Variants in DNAAF9 observed in about 807,000 individuals in gnomAD.
DNAAF9 encodes the protein dynein axonemal assembly factor 9, also known as shulin.
In DNAAF9, 90 loss-of-function variants were observed where a neutral mutation model predicts 167.0. That is an observed-to-expected ratio of 0.54 (90% CI 0.45 to 0.64). The LOEUF is 0.64. Among genes scored for constraint, DNAAF9 ranks in the 30% least tolerant of loss-of-function variants. The pLI is 0.00. For synonymous variants in DNAAF9, 491 were observed against 508.8 expected (o/e 0.96, Z 0.47); for missense variants, 1,315 against 1,442.2 (o/e 0.91, Z 1.43).
chr20:3,266,962 C>T (rs1280306191), intron 30 of DNAAF9, among the ~76,000 whole-genome samples: 1 of 151,740 alleles, frequency 6.6e-6, no homozygotes, highest in African/African-American at 2.4e-5. Context: ...AAGCCATTCT[C>T]CTGCCTCAGC....
rs555839741 is a variant in DNAAF9 at position 3,326,822 on chromosome 20, C to T, written c.1101-538G>A. ...TTTGTTAAATCACCTTAAGGAAAGT[C>T]GGCTCCTCTGAATTCTGCTCAAGAG... On this transcript the variant is annotated intron_variant, in intron 12 of 36. Coordinates refer to ENST00000252032, the MANE Select transcript of DNAAF9 (RefSeq NM_001009984.3). 8.6e-5 allele frequency among the ~76,000 whole-genome samples: 13 copies of T among 151,848 alleles called. No individual in the cohort carries two copies. In the East Asian group the frequency reaches 9.7e-4, roughly 11 times the overall value.
chr20:3,382,551 C>T (rs758532214), intron 1 of DNAAF9, 45 bp from the exon 2 acceptor site: 8 of 1,470,178 alleles, frequency 5.4e-6, no homozygotes, highest in South Asian at 4.5e-5. Context: ...CAGGACAGCC[C>T]CATGAGAAGA....
chr20:3,356,028 T>A (rs944669330), intron 7 of DNAAF9, among the ~76,000 whole-genome samples: 1 of 152,196 alleles, frequency 6.6e-6, no homozygotes, highest in Non-Finnish European at 1.5e-5. Flanking sequence ...GGATCTGAAC[T>A]TTTATTTATT....
At chr20:3,283,786 A>G (rs996693932) in intron 27 of DNAAF9, among the ~76,000 whole-genome samples, 2 of 145,302 alleles carry the variant, frequency 1.4e-5, no homozygotes, top group African/African-American at 5.2e-5. Flanking sequence ...ACTTCAGTGT[A>G]AGCAGTAGAG....
chr20:3,266,622 T>C (rs1246737712), intron 30 of DNAAF9, among the ~76,000 whole-genome samples: 1 of 140,706 alleles, frequency 7.1e-6, no homozygotes, highest in African/African-American at 2.6e-5. Context: ...GGACTACAGG[T>C]GCCCGCCACC....
intron 6 of DNAAF9, among the ~76,000 whole-genome samples, chr20:3,372,843 A>T (rs1214611409): frequency 6.6e-6 from 1 of 152,208 alleles, no homozygotes; most frequent in Non-Finnish European, 1.5e-5. Flanking sequence ...CAATTCACAT[A>T]AAGTGCTTAG....
chr20:3,329,930 C>T (rs2069790467), intron 12 of DNAAF9, among the ~76,000 whole-genome samples: 1 of 152,216 alleles, frequency 6.6e-6, no homozygotes, highest in African/African-American at 2.4e-5. Context: ...TGTTCACACC[C>T]TCTCACTATG....
At chr20:3,267,876 C>T (rs2068516599) in intron 30 of DNAAF9, among the ~76,000 whole-genome samples, 1 of 152,008 alleles carries the variant, frequency 6.6e-6, no homozygotes, top group African/African-American at 2.4e-5. Context: ...TCTTCATCTT[C>T]CCCATTTCAT....
chr20:3,390,155 T>C (rs1332383862), intron 1 of DNAAF9, among the ~76,000 whole-genome samples: 1 of 152,204 alleles, frequency 6.6e-6, no homozygotes, highest in African/African-American at 2.4e-5. Context: ...ATGGCAATGT[T>C]ATCATGGTTA....
At chr20:3,346,182 C>T (rs2070189596) in intron 8 of DNAAF9, among the ~76,000 whole-genome samples, 1 of 152,126 alleles carries the variant, frequency 6.6e-6, no homozygotes, top group Non-Finnish European at 1.5e-5. Context: ...TGAAGTTGTG[C>T]AGCAACAGGC....
chr20:3,355,186 T>A (rs772636332), intron 7 of DNAAF9, among the ~76,000 whole-genome samples: 1 of 152,250 alleles, frequency 6.6e-6, no homozygotes, highest in Non-Finnish European at 1.5e-5. Context: ...TTTCACTTTT[T>A]TTCATAATTA....
At chr20:3,389,118 G>A (rs1476689462) in intron 1 of DNAAF9, among the ~76,000 whole-genome samples, 5 of 151,482 alleles carry the variant, frequency 3.3e-5, no homozygotes, top group Admixed American at 2.6e-4. Context: ...ACAGGCGCCC[G>A]CCACCCAACC....
intron 30 of DNAAF9, among the ~76,000 whole-genome samples, chr20:3,265,091 T>G (rs2068464805): frequency 6.6e-6 from 1 of 152,140 alleles, no homozygotes; most frequent in African/African-American, 2.4e-5. Flanking sequence ...AGCAATCACC[T>G]GGGAGCTTGT....
At chr20:3,352,832 T>G (rs1226431914) in intron 7 of DNAAF9, among the ~76,000 whole-genome samples, 2 of 130,558 alleles carry the variant, frequency 1.5e-5, no homozygotes, top group Admixed American at 8.1e-5. Context: ...TTTAAATCTA[T>G]GAGTTCAAAA....
At chr20:3,347,996 G>A (rs2070230071) in intron 8 of DNAAF9, among the ~76,000 whole-genome samples, 1 of 152,180 alleles carries the variant, frequency 6.6e-6, no homozygotes, top group Admixed American at 6.5e-5. Flanking sequence ...CTGAGCCACA[G>A]GGGAGCACAG....
At chr20:3,365,395 T>C (rs2083418705) in intron 6 of DNAAF9, among the ~76,000 whole-genome samples, 1 of 151,812 alleles carries the variant, frequency 6.6e-6, no homozygotes, top group African/African-American at 2.4e-5. Context: ...ATTTATTTAT[T>C]TATTTATTTA....
Position 3,251,635 on chromosome 20 carries a change from G to A in DNAAF9, c.*937C>T, listed in dbSNP as rs1169222698. 6 of 152,360 alleles carry A rather than the reference G, an allele frequency of 3.9e-5. No homozygotes were observed. Among genetic ancestry groups the A allele is most frequent in the Admixed American group, 3.9e-4 (6 of 15,288 alleles). 9.4% of individuals were successfully genotyped at this position (152,360 alleles called of 1,614,324 possible). A position where few individuals can be genotyped will look rare whatever the true frequency, so the allele number is the denominator to read the frequency against. ...AACACTTTGGGGAGCGGGGGGATGA[G>A]TTTCCTGAAGTTTGTGGCTGAAAAG... On this transcript the variant is annotated 3_prime_UTR_variant, in exon 37 of 37. Coordinates refer to ENST00000252032, the MANE Select transcript of DNAAF9 (RefSeq NM_001009984.3).
intron 7 of DNAAF9, among the ~76,000 whole-genome samples, chr20:3,348,929 T>C (rs2070252642): frequency 6.6e-6 from 1 of 152,154 alleles, no homozygotes; most frequent in Non-Finnish European, 1.5e-5. Context: ...GGATGGAGAC[T>C]GACTGCAAGT....
intron 1 of DNAAF9, among the ~76,000 whole-genome samples, chr20:3,404,801 T>G (rs997387822): frequency 6.6e-6 from 1 of 152,248 alleles, no homozygotes; most frequent in Non-Finnish European, 1.5e-5. Flanking sequence ...CATTTTGAAG[T>G]AGAAAGTATC....
Sources: gnomAD v4.1 joint callset for allele counts (sites outside exome capture counted in the v4.1 genomes callset) on GRCh38, gnomAD v4.1.1 for gene constraint, MANE v1.5 for transcripts, NCBI Gene and HGNC (gene_info 2026-07-23, HGNC 2026-07-21) for gene names.